Variants in PRKDC observed in about 807,000 individuals in gnomAD.
The protein encoded by PRKDC is protein kinase, DNA-activated, catalytic subunit, also known as DNA-dependent protein kinase catalytic subunit.
PRKDC carries 82 observed loss-of-function variants against 486.9 expected under a neutral mutation model. That is an observed-to-expected ratio of 0.17 (90% CI 0.14 to 0.20). The LOEUF (loss-of-function observed/expected upper bound fraction) is 0.20. PRKDC is among the 10% of genes least tolerant of loss of function. The pLI is 1.00. For synonymous variants in PRKDC, 1,895 were observed against 1,837.0 expected, an observed-to-expected ratio of 1.03 and a Z score of -0.81; for missense variants, 4,504 against 5,038.2, an observed-to-expected ratio of 0.89 and a Z score of 3.21.
rs563412900 is a variant in PRKDC, at chr8:47,907,202, G to A, written c.2935-2226C>T. Among the ~76,000 whole-genome samples, 13 of 151,148 alleles carry A rather than the reference G, an allele frequency of 8.6e-5. No individual in the cohort carries two copies. The South Asian group carries it at 1.2e-3, about 14-fold the overall frequency. ...ACTACAGGCACCCGCCACCACGCCC[G>A]GCTAATTTTCTGTACCTTTAGTAGA... On this transcript the variant is annotated intron_variant, in intron 25 of 85. Coordinates refer to ENST00000314191, the MANE Select transcript of PRKDC (RefSeq NM_006904.7).
At position 47,821,660 on chromosome 8, in the gene PRKDC, T is replaced by C. The variant is rs1485722308; in HGVS notation, c.9055A>G (p.Ile3019Val). 2 of 1,603,314 alleles carry C rather than the reference T, an allele frequency of 1.2e-6. No individual in the cohort carries two copies. The highest frequency in any genetic ancestry group is 1.7e-5 in the Admixed American group (1 of 58,756). ...KSLEYCSTAS[I>V]DSENPPDLNK... ...AGGTCTGGGGGGTTCTCACTGTCTA[T>C]ACTGGCTGTAGAACAGTATTCAAGT... Residue 3019 changes from isoleucine (I) to valine (V), a missense_variant, in exon 65 of 86, where the codon ATA becomes GTA. This residue lies in a region of PRKDC where 1,592 missense variants were observed against 1,724.6 expected (regional missense o/e 0.92). Transcript: ENST00000314191.
intron 27 of PRKDC, among the ~76,000 whole-genome samples, 199 bp from the exon 28 acceptor site, chr8:47,900,666 A>G (rs2089663673): frequency 2.0e-5 from 3 of 151,814 alleles, no homozygotes; most frequent in African/African-American, 4.8e-5. Flanking sequence ...TCGAGACCAC[A>G]GTGAAACCCC....
At position 47,906,425 on chromosome 8, in the gene PRKDC, G is replaced by A. The variant is rs1345515916; in HGVS notation, c.2935-1449C>T. Reference sequence around the variant, plus strand: ...GAGGAGGGCGGATCACTTGAGGTCAGGAGTTTGTGACCACTCTGGCCAAAA... The same window carrying A: ...GAGGAGGGCGGATCACTTGAGGTCAAGAGTTTGTGACCACTCTGGCCAAAA... On this transcript the variant is annotated intron_variant, in intron 25 of 85. Transcript: ENST00000314191. Among the ~76,000 whole-genome samples, 5 of 148,410 alleles carry A rather than the reference G, an allele frequency of 3.4e-5. No homozygotes were observed. The South Asian group carries it at 1.0e-3, about 31-fold the overall frequency.
chr8:47,805,634 C>G (rs1244294086), intron 69 of PRKDC, among the ~76,000 whole-genome samples: 1 of 152,150 alleles, frequency 6.6e-6, no homozygotes, highest in African/African-American at 2.4e-5. Context: ...AGTTTTAATT[C>G]TGAATACAAT....
intron 63 of PRKDC, among the ~76,000 whole-genome samples, chr8:47,825,435 G>A (rs1207637621): frequency 1.3e-5 from 2 of 150,280 alleles, no homozygotes; most frequent in Non-Finnish European, 3.0e-5. Context: ...CTTGAACCCG[G>A]GAGGTGGAGG....
chr8:47,806,931 A>G (rs2087224841), intron 69 of PRKDC, among the ~76,000 whole-genome samples: 1 of 152,142 alleles, frequency 6.6e-6, no homozygotes, highest in African/African-American at 2.4e-5. Flanking sequence ...TCTGGGCTCA[A>G]GTGATCCGCC....
intron 64 of PRKDC, among the ~76,000 whole-genome samples, 168 bp from the exon 65 acceptor site, chr8:47,821,960 A>G (rs968291452): frequency 4.6e-5 from 7 of 152,192 alleles, no homozygotes; most frequent in African/African-American, 1.7e-4. Flanking sequence ...TGGAAGAAAA[A>G]CCAAAAGGAA....
At chr8:47,852,563 G>T in intron 52 of PRKDC, 110 bp downstream of exon 52, 1 of 572,560 alleles carries the variant, frequency 1.7e-6, no homozygotes, top group Non-Finnish European at 2.9e-6. Flanking sequence ...AAATGCAGAT[G>T]CCCATTTTGT....
At chr8:47,799,836 C>T (rs564733037) in intron 71 of PRKDC, among the ~76,000 whole-genome samples, 35 of 152,132 alleles carry the variant, frequency 2.3e-4, no homozygotes, top group African/African-American at 6.3e-4. Context: ...ACAAAATAAT[C>T]GGCAAGAAGC....
rs1412251776 is a variant in PRKDC at position 47,782,681 on chromosome 8, T to C, written c.11176-83A>G. On this transcript the variant is annotated intron_variant, in intron 78 of 85. Transcript: ENST00000314191. This position sits in a 1 kb window ranked among gnomAD's most constrained non-coding sequence, Gnocchi z 4.9. ...GGAAAAGCCAGAGTGGCTGTGAGCA[T>C]TCCTCCGTGGGGCCGCCCTCTGAAG... 1.4e-6 allele frequency: 2 copies of C among 1,445,870 alleles called. No homozygotes were observed. The highest frequency in any genetic ancestry group is 1.9e-6 in the Non-Finnish European group (2 of 1,069,340). The allele number at this position is 1,445,870 out of a possible 1,614,324, so 89.6% of individuals were successfully genotyped here. A position where few individuals can be genotyped will look rare whatever the true frequency, so the allele number is the denominator to read the frequency against.
intron 49 of PRKDC, 141 bp downstream of exon 49, chr8:47,857,015 T>C: frequency 1.1e-6 from 1 of 919,384 alleles, no homozygotes; most frequent in South Asian, 3.4e-5. Flanking sequence ...GCCATTTGGT[T>C]TAGGAGCACA....
rs529496759 is a variant in PRKDC, at chr8:47,787,246, G to A, written c.10902+1660C>T. ...TGTTTTTACCAAATTTGTAACTAAT[G>A]TCACAACATAAATCTGGTGTAAATC... is the stretch of plus-strand genomic sequence containing the variant. On this transcript the variant is annotated intron_variant, in intron 76 of 85. Transcript: ENST00000314191. Among the ~76,000 whole-genome samples, 6 of 152,272 alleles carry A rather than the reference G, an allele frequency of 3.9e-5. No individual in the cohort carries two copies. The South Asian group carries it at 1.2e-3, about 32-fold the overall frequency.
chr8:47,858,588 GC>G lies in PRKDC; in HGVS notation c.6392del (p.Gly2131AlafsTer7). On this transcript the variant is annotated frameshift_variant, in exon 48 of 86. Coordinates refer to ENST00000314191, the MANE Select transcript of PRKDC (RefSeq NM_006904.7). LOFTEE classifies it high-confidence loss of function. ...ATGGTACTATTGGATTTCCCAGTTT[GC>G]CATGGAGGAATTTCATCCAAGAAGG... ...DLPSWMKFLHGKLGNPIVPLN... is the reference protein window; with the variant it reads ...DLPSWMKFLHXKLGNPIVPLN... The G allele has an allele frequency of 6.4e-7, 1 of 1,559,246 alleles. No individual in the cohort carries two copies. The highest frequency in any genetic ancestry group is 2.0e-5 in the Admixed American group (1 of 49,332).
At chr8:47,794,562 G>A in intron 73 of PRKDC, 61 bp from the exon 74 acceptor site, 3 of 1,333,660 alleles carry the variant, frequency 2.2e-6, no homozygotes, top group South Asian at 2.8e-5. Context: ...TGTTATAAAA[G>A]TAACATATGT....
chr8:47,801,039 T>G, intron 70 of PRKDC, 53 bp from the exon 71 acceptor site: 1 of 1,502,862 alleles, frequency 6.7e-7, no homozygotes, highest in Admixed American at 1.9e-5. Flanking sequence ...GTGTGTGGAA[T>G]TAAAAAGAAG....
intron 30 of PRKDC, among the ~76,000 whole-genome samples, chr8:47,893,772 G>A (rs947847560): frequency 2.6e-5 from 4 of 151,980 alleles, no homozygotes; most frequent in Admixed American, 6.6e-5. Context: ...TTAGAATAAC[G>A]TCTACCACAC....
chr8:47,812,398 A>G (rs2087348586), intron 68 of PRKDC, among the ~76,000 whole-genome samples: 1 of 152,264 alleles, frequency 6.6e-6, no homozygotes, highest in Admixed American at 6.5e-5. Context: ...AGAAGTCTCA[A>G]TAAAATTTAA....
Position 47,828,316 on chromosome 8 carries a change from C to T in PRKDC, c.8429G>A (p.Ser2810Asn). The change falls in exon 62 of 86, where the codon AGC becomes AAC. Residue 2810 changes from serine (S) to asparagine (N), a missense_variant. Physicochemically the swap from Ser to Asn is conservative, Grantham distance 46. Transcript: ENST00000314191. ...RDPIIAKQLF[S>N]SLFSGILKEM... ...TTTCAAAATTCCAGAAAACAAGCTG[C>T]TAAAGAGCTGTTTTGCAATTATTGG... 2 of 1,591,356 alleles carry T rather than the reference C, an allele frequency of 1.3e-6. No individual in the cohort carries two copies. Among genetic ancestry groups the T allele is most frequent in the East Asian group, 2.3e-5 (1 of 44,372 alleles).
intron 76 of PRKDC, among the ~76,000 whole-genome samples, chr8:47,788,253 C>T (rs559348702): frequency 9.9e-5 from 15 of 152,222 alleles, no homozygotes; most frequent in East Asian, 3.8e-4. Flanking sequence ...ATGATGCTGA[C>T]GCCAAGCCCA....
Sources: gnomAD v4.1 joint callset for allele counts (sites outside exome capture counted in the v4.1 genomes callset) on GRCh38, gnomAD v4.1.1 for gene constraint, gnomAD v4.1.1 regional missense constraint, Gnocchi (gnomAD v3.1) non-coding constraint, MANE v1.5 for transcripts, NCBI Gene and HGNC (gene_info 2026-07-23, HGNC 2026-07-21) for gene names.